The following MAP2 variants were observed in gnomAD, a reference collection of about 807,000 sequenced individuals.
MAP2 encodes the protein microtubule-associated protein 2.
MAP2 carries 14 observed loss-of-function variants against 137.6 expected under a neutral mutation model. The ratio of observed to expected loss-of-function variants is 0.10; its 90% CI spans 0.07 to 0.16. MAP2 has a LOEUF of 0.16. Ranked by LOEUF, MAP2 falls within the 10% of genes least tolerant of loss-of-function variation. The pLI is 1.00. For synonymous variants in MAP2, 786 were observed against 782.3 expected, an observed-to-expected ratio of 1.00 and a Z score of -0.08; for missense variants, 2,088 against 2,191.5, an observed-to-expected ratio of 0.95 and a Z score of 0.94.
intron 1 of MAP2, among the ~76,000 whole-genome samples, chr2:209,474,836 A>C (rs985047781): frequency 1.3e-5 from 2 of 152,060 alleles, no homozygotes; most frequent in Admixed American, 1.3e-4. Context: ...TAAATCTATA[A>C]ATAGGCATGA....
intron 5 of MAP2, among the ~76,000 whole-genome samples, chr2:209,662,871 T>C (rs1346484022): frequency 2.0e-5 from 3 of 152,110 alleles, no homozygotes; most frequent in African/African-American, 7.2e-5. Flanking sequence ...AGATAAAAAA[T>C]CTAATACTTT....
rs752213393 is a variant in MAP2, at chr2:209,694,027, G to A, written c.1857G>A (p.Glu619=). 5 of 1,613,916 alleles carry A rather than the reference G, an allele frequency of 3.1e-6. No individual in the cohort carries two copies. In the South Asian group the frequency reaches 4.4e-5, roughly 14 times the overall value. ...MSPMHKNGDK[E]FQTGKESQPS... ...CCATGCATAAAAATGGTGACAAGGA[G>A]TTTCAAACAGGAAAAGAATCCCAGC... The change falls in exon 8 of 16, where the codon GAG becomes GAA. Residue 619 remains glutamate, a synonymous_variant. Coordinates refer to ENST00000682079, the MANE Select transcript of MAP2 (RefSeq NM_001375505.1).
chr2:209,687,007 C>T (rs2057257338), intron 7 of MAP2, among the ~76,000 whole-genome samples: 1 of 151,806 alleles, frequency 6.6e-6, no homozygotes, highest in Non-Finnish European at 1.5e-5. Flanking sequence ...TCCTGCAAAT[C>T]AGAACCTGGT....
chr2:209,721,969 A>G (rs1421739181), intron 13 of MAP2: 2 of 152,218 alleles, frequency 1.3e-5, no homozygotes, highest in Non-Finnish European at 2.9e-5. Flanking sequence ...GATCCTGCTT[A>G]AATTCCAAGA....
chr2:209,625,339 A>C (rs571505077), intron 4 of MAP2, among the ~76,000 whole-genome samples: 131 of 152,286 alleles, frequency 8.6e-4, no homozygotes, highest in African/African-American at 2.4e-3. Flanking sequence ...AGTTGACTTA[A>C]TAGTAAGAAA....
intron 3 of MAP2, among the ~76,000 whole-genome samples, chr2:209,593,752 TA>T (rs2080211497): frequency 1.3e-3 from 1 of 784 alleles, no homozygotes; most frequent in Non-Finnish European, 0.083. Flanking sequence ...TATATTATAT[TA>T]TATATAATAT....
rs1269130482 is a variant in MAP2, at chr2:209,710,046, A to G, written c.4865A>G (p.Tyr1622Cys). ...RTPGTPGTPS[Y>C]PRTPHTPGTP... The stretch of plus-strand genomic sequence containing the variant: ...CCAGGCACTCCTGGAACCCCTAGCT[A>G]TCCCAGGACCCCTCACACACCAGGA... The change falls in exon 13 of 16, where the codon TAT becomes TGT. Residue 1622 changes from tyrosine to cysteine, a missense_variant. This residue lies in a region of MAP2 where 591 missense variants were observed against 642.6 expected (regional missense o/e 0.92). Transcript: ENST00000682079. 1 of 1,613,752 alleles carries G rather than the reference A, an allele frequency of 6.2e-7. No homozygotes were observed.
chr2:209,563,539 C>T (rs2072680810), intron 2 of MAP2, among the ~76,000 whole-genome samples: 1 of 151,920 alleles, frequency 6.6e-6, no homozygotes, highest in Admixed American at 6.6e-5. Flanking sequence ...GCATCGCCAC[C>T]AGCTTCCCAA....
At chr2:209,628,851 T>C (rs537505247) in intron 4 of MAP2, among the ~76,000 whole-genome samples, 1 of 152,298 alleles carries the variant, frequency 6.6e-6, no homozygotes, top group South Asian at 2.1e-4. Flanking sequence ...CCTCACTTGC[T>C]GAAGGGATGA....
intron 11 of MAP2, 47 bp downstream of exon 11, chr2:209,700,385 G>T: frequency 7.2e-7 from 1 of 1,389,846 alleles, no homozygotes; most frequent in East Asian, 2.3e-5. Context: ...AGTTCCTTTG[G>T]TATTAGCTGT....
chr2:209,573,989 G>A (rs1388138279), intron 2 of MAP2, among the ~76,000 whole-genome samples: 3 of 152,018 alleles, frequency 2.0e-5, no homozygotes, highest in Admixed American at 6.6e-5. Flanking sequence ...AATATTCTAT[G>A]AATATACCAC....
chr2:209,675,547 G>T (rs2050954811), intron 5 of MAP2, among the ~76,000 whole-genome samples: 1 of 151,736 alleles, frequency 6.6e-6, no homozygotes, highest in South Asian at 2.1e-4. Flanking sequence ...GATTTTCAAA[G>T]TCTATTTATA....
At chr2:209,570,299 C>T (rs1167388785) in intron 2 of MAP2, among the ~76,000 whole-genome samples, 2 of 151,752 alleles carry the variant, frequency 1.3e-5, no homozygotes, top group Admixed American at 6.6e-5. Context: ...TCTTCTGATA[C>T]CTTCTAAGTG....
intron 13 of MAP2, among the ~76,000 whole-genome samples, chr2:209,717,596 A>G (rs1393460171): frequency 6.6e-6 from 1 of 152,142 alleles, no homozygotes; most frequent in Non-Finnish European, 1.5e-5. Flanking sequence ...TTCCCTCATT[A>G]TATGAAATTA....
At chr2:209,540,004 G>A (rs1427355114) in intron 2 of MAP2, among the ~76,000 whole-genome samples, 2 of 149,484 alleles carry the variant, frequency 1.3e-5, no homozygotes, top group Non-Finnish European at 3.0e-5. Context: ...AGGAGGCCAA[G>A]GCAGGAGGGT....
At chr2:209,680,851 G>T (rs1433607589) in intron 7 of MAP2, 24 bp downstream of exon 7, 5 of 1,600,288 alleles carry the variant, frequency 3.1e-6, no homozygotes, top group Non-Finnish European at 4.3e-6. Flanking sequence ...GACTTTTCAG[G>T]GTTTGTCTTC....
chr2:209,497,136 C>T (rs899683317), intron 1 of MAP2, among the ~76,000 whole-genome samples: 1 of 152,002 alleles, frequency 6.6e-6, no homozygotes, highest in South Asian at 2.1e-4. Flanking sequence ...GAGTTGTGCC[C>T]CACCCCATCC....
At chr2:209,671,072 A>AT (rs1382498129) in intron 5 of MAP2, among the ~76,000 whole-genome samples, 1 of 151,872 alleles carries the variant, frequency 6.6e-6, no homozygotes. Flanking sequence ...CCTCAAATGC[A>AT]TTTTTCCCCA....
At chr2:209,655,471 C>T (rs1022371746) in intron 5 of MAP2, among the ~76,000 whole-genome samples, 2 of 152,122 alleles carry the variant, frequency 1.3e-5, no homozygotes, top group Admixed American at 6.5e-5. Flanking sequence ...CTTTTCATGT[C>T]TACAGAGGAT....
Sources: gnomAD v4.1 joint callset for allele counts (sites outside exome capture counted in the v4.1 genomes callset) on GRCh38, gnomAD v4.1.1 for gene constraint, gnomAD v4.1.1 regional missense constraint, MANE v1.5 for transcripts, NCBI Gene and HGNC (gene_info 2026-07-23, HGNC 2026-07-21) for gene names.